Variants in DLGAP1 observed in about 807,000 individuals in gnomAD.
DLGAP1 encodes the protein DLG associated protein 1, also known as disks large-associated protein 1.
Under a neutral mutation model 90.8 loss-of-function variants are expected in DLGAP1, and 11 were observed. The ratio of observed to expected loss-of-function variants is 0.12; its 90% CI spans 0.08 to 0.20. DLGAP1 has a LOEUF of 0.20. Ranked by LOEUF, DLGAP1 falls within the 10% of genes least tolerant of loss-of-function variation. DLGAP1 has a pLI of 1.00. For missense variants in DLGAP1, 1,050 were observed against 1,333.8 expected (o/e 0.79, Z 3.31); for synonymous variants, 558 against 540.7 (o/e 1.03, Z -0.44).
chr18:4,309,778 T>C (rs2080352734), intron 1 of DLGAP1, among the ~76,000 whole-genome samples: 2 of 152,182 alleles, frequency 1.3e-5, no homozygotes, highest in African/African-American at 4.8e-5. Flanking sequence ...TTAGCATTTC[T>C]AAACCTCAGT....
intron 2 of DLGAP1, among the ~76,000 whole-genome samples, chr18:4,068,905 A>G (rs1390132782): frequency 2.6e-5 from 4 of 152,142 alleles, no homozygotes; most frequent in Non-Finnish European, 5.9e-5. Context: ...TGTCTCTCTG[A>G]TTATTAGTAG....
Position 4,030,992 on chromosome 18 carries a change from G to A in DLGAP1, c.-158-25791C>T, listed in dbSNP as rs143998306. ...CGGTAGCTGTTCTATCCAGCCCATC[G>A]CCACTGGACCACCCTACATAAATCC... On this transcript the variant is annotated intron_variant, in intron 2 of 12. Transcript: ENST00000315677. 2.9e-3 allele frequency among the ~76,000 whole-genome samples: 438 copies of A among 152,172 alleles called. 1 individual carries two copies. The highest frequency in any genetic ancestry group is 9.9e-3 in the African/African-American group (412 of 41,520).
intron 1 of DLGAP1, among the ~76,000 whole-genome samples, chr18:4,262,092 T>C (rs1166993098): frequency 6.6e-6 from 1 of 152,216 alleles, no homozygotes; most frequent in Non-Finnish European, 1.5e-5. Context: ...CTCAACTACT[T>C]ATTCCCCATT....
rs555504162 is a variant in DLGAP1 at position 4,412,442 on chromosome 18, G to C, written c.-267+42564C>G. Among the ~76,000 whole-genome samples, 27 of 152,278 alleles carry C rather than the reference G, an allele frequency of 1.8e-4. 1 individual carries two copies. The South Asian group carries it at 5.4e-3, about 30-fold the overall frequency. On this transcript the variant is annotated intron_variant, in intron 1 of 12. Coordinates refer to ENST00000315677, the MANE Select transcript of DLGAP1 (RefSeq NM_004746.4). ...CTCCAGGCTGCCAGACAAATAACTA[G>C]GTCAGGTAACAACATAATCCAGCTG... is the stretch of plus-strand genomic sequence containing the variant.
At chr18:3,621,975 A>C (rs1370565241) in intron 7 of DLGAP1, among the ~76,000 whole-genome samples, 1 of 152,026 alleles carries the variant, frequency 6.6e-6, no homozygotes, top group Non-Finnish European at 1.5e-5. Context: ...CTACAAAATA[A>C]ATACATAAGT....
At chr18:3,876,325 T>C (rs1443227750) in intron 4 of DLGAP1, among the ~76,000 whole-genome samples, 1 of 150,878 alleles carries the variant, frequency 6.6e-6, no homozygotes, top group Non-Finnish European at 1.5e-5. Flanking sequence ...AGCACAGGGG[T>C]TGGGAGGTCT....
intron 5 of DLGAP1, among the ~76,000 whole-genome samples, chr18:3,779,554 C>A (rs2065091419): frequency 6.6e-6 from 1 of 152,142 alleles, no homozygotes; most frequent in Non-Finnish European, 1.5e-5. Flanking sequence ...GATTGTCCTC[C>A]AGTGGGCCTG....
chr18:3,724,698 T>C (rs550937430), intron 7 of DLGAP1, among the ~76,000 whole-genome samples: 6 of 151,734 alleles, frequency 4.0e-5, no homozygotes, highest in African/African-American at 7.2e-5. Context: ...GATTGCACCA[T>C]TGCACTCCAG....
chr18:4,441,637 G>A (rs545168519), intron 1 of DLGAP1, among the ~76,000 whole-genome samples: 2 of 152,294 alleles, frequency 1.3e-5, no homozygotes, highest in East Asian at 3.9e-4. Flanking sequence ...CATGTAAGAC[G>A]TATGGCAACA....
chr18:4,176,742 C>T (rs754285950), intron 1 of DLGAP1, among the ~76,000 whole-genome samples: 1 of 152,178 alleles, frequency 6.6e-6, no homozygotes, highest in Admixed American at 6.5e-5. Flanking sequence ...TTCCTGGAAC[C>T]CTCTGCTTCT....
At chr18:3,757,395 C>A (rs753788195) in intron 5 of DLGAP1, among the ~76,000 whole-genome samples, 1 of 151,948 alleles carries the variant, frequency 6.6e-6, no homozygotes, top group Non-Finnish European at 1.5e-5. Context: ...GGTGACAGAG[C>A]GAGACTCCAC....
rs560278444 is a variant in DLGAP1 at position 4,105,368 on chromosome 18, G to A, written c.-159+45812C>T. Reference sequence around the variant, plus strand: ...GAATTTTAAATGCCATTTCTTTGGGGAAAGGAAAACCAATGTAACTTAATA... The same window carrying A: ...GAATTTTAAATGCCATTTCTTTGGGAAAAGGAAAACCAATGTAACTTAATA... On this transcript the variant is annotated intron_variant, in intron 2 of 12. Transcript: ENST00000315677. 8.5e-5 allele frequency among the ~76,000 whole-genome samples: 13 copies of A among 152,302 alleles called. 1 individual carries two copies. The East Asian group carries it at 2.5e-3, about 29-fold the overall frequency.
chr18:4,242,183 C>T (rs1441461710), intron 1 of DLGAP1, among the ~76,000 whole-genome samples: 1 of 152,096 alleles, frequency 6.6e-6, no homozygotes, highest in South Asian at 2.1e-4. Flanking sequence ...ATAAAATACA[C>T]TCCATTTCTT....
At chr18:3,626,989 G>A (rs142619595) in intron 7 of DLGAP1, among the ~76,000 whole-genome samples, 1 of 152,302 alleles carries the variant, frequency 6.6e-6, no homozygotes, top group African/African-American at 2.4e-5. Flanking sequence ...GCTGAATTGT[G>A]CACTTTAAAC....
At chr18:3,759,145 G>C (rs1011556193) in intron 5 of DLGAP1, among the ~76,000 whole-genome samples, 19 of 151,878 alleles carry the variant, frequency 1.3e-4, no homozygotes, top group African/African-American at 3.4e-4. Context: ...GTAGACTTTG[G>C]TATCTCCTAG....
chr18:3,879,454 G>A lies in DLGAP1; in HGVS notation c.615C>T (p.Asp205=), dbSNP rs781563104. ...TGCACATGTCACCATCCAGGTTGTC[G>A]TCCGAGCTCCACCAGCCCGGGGAGG... is the stretch of plus-strand genomic sequence containing the variant. ...PSTSPGWWSS[D]DNLDGDMCIY... is the part of the protein sequence containing the mutation. The change falls in exon 4 of 13, where the codon GAC becomes GAT. Residue 205 remains aspartate, a synonymous_variant. Coordinates refer to ENST00000315677, the MANE Select transcript of DLGAP1 (RefSeq NM_004746.4). This position sits in a 1 kb window ranked among gnomAD's most constrained non-coding sequence, Gnocchi z 6.6. 27 of 1,606,950 alleles carry A rather than the reference G, an allele frequency of 1.7e-5. No homozygotes were observed. Among genetic ancestry groups the A allele is most frequent in the East Asian group, 2.2e-5 (1 of 44,872 alleles).
At chr18:3,822,122 C>T in intron 4 of DLGAP1, 1 of 464,586 alleles carries the variant, frequency 2.2e-6, no homozygotes, top group Non-Finnish European at 2.8e-6. Flanking sequence ...AGAAGATTTC[C>T]CTGGCAACCG....
At chr18:4,411,300 T>A (rs2082771724) in intron 1 of DLGAP1, among the ~76,000 whole-genome samples, 1 of 152,206 alleles carries the variant, frequency 6.6e-6, no homozygotes, top group Admixed American at 6.5e-5. Flanking sequence ...AGTAGAGAAC[T>A]GATAGCCCCT....
At chr18:3,737,861 A>T (rs1339057679) in intron 6 of DLGAP1, among the ~76,000 whole-genome samples, 107 of 150,256 alleles carry the variant, frequency 7.1e-4, no homozygotes, top group Middle Eastern at 3.4e-3. Flanking sequence ...ACATGATTGT[A>T]TATCTAGAAA....
Sources: allele counts gnomAD v4.1 joint callset (sites outside exome capture counted in the v4.1 genomes callset), GRCh38; gene constraint gnomAD v4.1.1; non-coding constraint Gnocchi (gnomAD v3.1); transcripts MANE v1.5; gene names NCBI Gene and HGNC (gene_info 2026-07-23, HGNC 2026-07-21).